The following LHX8 variants were observed in gnomAD, a reference collection of about 807,000 sequenced individuals.
LHX8 encodes LIM/homeobox protein Lhx8.
Under a neutral mutation model 40.3 loss-of-function variants are expected in LHX8, and 12 were observed. The ratio of observed to expected loss-of-function variants is 0.30; its 90% CI spans 0.19 to 0.48. The LOEUF (loss-of-function observed/expected upper bound fraction) is 0.48. Ranked by LOEUF, LHX8 falls within the 20% of genes least tolerant of loss-of-function variation. The pLI, the probability that LHX8 is intolerant of heterozygous loss-of-function variation, is 0.99. For synonymous variants in LHX8, 179 were observed against 162.0 expected, an observed-to-expected ratio of 1.10 and a Z score of -0.80; for missense variants, 344 against 433.7, an observed-to-expected ratio of 0.79 and a Z score of 1.84.
chr1:75,132,754 CTA>C (rs1648005983), upstream of LHX8: 1 of 105,254 alleles, frequency 9.5e-6, no homozygotes, highest in Non-Finnish European at 2.0e-5. Flanking sequence ...ACTTTAAACC[CTA>C]ACACACACAC....
upstream of LHX8, chr1:75,132,756 AACACACACACAC>A (rs373753523): frequency 5.5e-5 from 8 of 146,154 alleles, no homozygotes; most frequent in African/African-American, 1.8e-4. Context: ...TTTAAACCCT[AACACACACACAC>A]ACACACACAC....
the LHX8 span, among the ~76,000 whole-genome samples, chr1:75,191,815 T>C: frequency 6.6e-6 from 1 of 152,154 alleles, no homozygotes; most frequent in African/African-American, 2.4e-5. Context: ...TAGATCAAAA[T>C]TGCACAAGGA....
the LHX8 span, among the ~76,000 whole-genome samples, chr1:75,168,192 A>G: frequency 6.6e-6 from 1 of 152,156 alleles, no homozygotes; most frequent in Admixed American, 6.5e-5. Context: ...GTGGGCCAGA[A>G]TGGTCGGATA....
chr1:75,145,957 G>C (rs773581778), intron 6 of LHX8, among the ~76,000 whole-genome samples: 3 of 152,088 alleles, frequency 2.0e-5, no homozygotes, highest in Non-Finnish European at 4.4e-5. Context: ...TGCTTTCAAA[G>C]TATATTCTCA....
the LHX8 span, among the ~76,000 whole-genome samples, chr1:75,198,119 C>T: frequency 2.0e-4 from 31 of 152,126 alleles, no homozygotes; most frequent in East Asian, 4.4e-3. Context: ...TTGGGTACTC[C>T]GAAAGAGTCT....
intron 7 of LHX8, among the ~76,000 whole-genome samples, 166 bp downstream of exon 7, chr1:75,148,848 G>A (rs367905126): frequency 5.3e-5 from 8 of 152,056 alleles, no homozygotes; most frequent in African/African-American, 1.9e-4. Context: ...GGCCACAGGT[G>A]ATTAACTTAA....
chr1:75,196,305 TCATGGAGCTGTGCTG>T, the LHX8 span, among the ~76,000 whole-genome samples: 1 of 152,122 alleles, frequency 6.6e-6, no homozygotes, highest in Non-Finnish European at 1.5e-5. Context: ...TGAGAAAAGT[TCATGGAGCTGTGCTG>T]CATGGATATT....
the LHX8 span, among the ~76,000 whole-genome samples, chr1:75,199,327 C>A: frequency 6.6e-6 from 1 of 152,170 alleles, no homozygotes; most frequent in Non-Finnish European, 1.5e-5. Flanking sequence ...GACACACATG[C>A]AGCCGTGCAC....
the LHX8 span, among the ~76,000 whole-genome samples, chr1:75,173,450 C>G: frequency 7.4e-6 from 1 of 134,274 alleles, no homozygotes; most frequent in Non-Finnish European, 1.5e-5. Flanking sequence ...GTGGCACGAT[C>G]TCGACTCACT....
the LHX8 span, among the ~76,000 whole-genome samples, chr1:75,191,941 T>A: frequency 6.6e-6 from 1 of 152,270 alleles, no homozygotes; most frequent in South Asian, 2.1e-4. Context: ...AGTTTTATAG[T>A]TTTACATGAA....
At chr1:75,131,341 C>A (rs1019368041), upstream of LHX8, 5 of 162,228 alleles carry the variant, frequency 3.1e-5, no homozygotes, top group African/African-American at 1.2e-4. Context: ...AGCTCAGAGG[C>A]AAAGGGTTCA....
chr1:75,181,530 T>TG, the LHX8 span, among the ~76,000 whole-genome samples: 576 of 152,324 alleles, frequency 3.8e-3, 5 homozygotes, highest in Admixed American at 5.6e-3. Context: ...TCTCCTGGTG[T>TG]GCCATTTGCT....
chr1:75,155,534 C>T (rs1010836037), intron 7 of LHX8, among the ~76,000 whole-genome samples: 6 of 151,912 alleles, frequency 3.9e-5, no homozygotes, highest in African/African-American at 1.4e-4. Context: ...GCGCCCGGCC[C>T]ATGAAGAAAC....
chr1:75,141,655 G>A (rs998299201), intron 4 of LHX8, among the ~76,000 whole-genome samples: 6 of 152,028 alleles, frequency 3.9e-5, no homozygotes, highest in East Asian at 1.9e-4. Flanking sequence ...TCTTTTGTCC[G>A]ATCTTCAGTT....
chr1:75,154,890 C>A (rs912548536), intron 7 of LHX8, among the ~76,000 whole-genome samples: 3 of 152,146 alleles, frequency 2.0e-5, no homozygotes, highest in African/African-American at 7.2e-5. Context: ...ATTTTTTATT[C>A]TTTTAGTTTT....
In LHX8 at chr1:75,137,083, C is replaced by G; in HGVS notation, c.76-17C>G. 6.3e-7 allele frequency: 1 copy of G among 1,594,992 alleles called. No homozygotes were observed. The highest frequency in any genetic ancestry group is 1.1e-5 in the South Asian group (1 of 89,736). On this transcript the variant is annotated splice_polypyrimidine_tract_variant and intron_variant, in intron 2 of 8. Transcript: ENST00000356261. ...AGGAGGGGTCTAGAACCGCCTGCGC[C>G]TCGCGGTTTCCTGCAGGTGAGCCCC...
the LHX8 span, among the ~76,000 whole-genome samples, chr1:75,194,261 T>A: frequency 6.6e-6 from 1 of 152,150 alleles, no homozygotes; most frequent in South Asian, 2.1e-4. Context: ...ATGAGGGCAG[T>A]GGCAGGACCC....
chr1:75,185,916 G>A, the LHX8 span, among the ~76,000 whole-genome samples: 1 of 152,112 alleles, frequency 6.6e-6, no homozygotes, highest in Non-Finnish European at 1.5e-5. Context: ...CAAGCCAAGA[G>A]CCAAATGAAG....
At chr1:75,152,226 A>C (rs920568961) in intron 7 of LHX8, among the ~76,000 whole-genome samples, 1 of 152,218 alleles carries the variant, frequency 6.6e-6, no homozygotes, top group African/African-American at 2.4e-5. Flanking sequence ...TAGGTCACCC[A>C]AAGATTAGGA....
Sources: gnomAD v4.1 joint callset for allele counts (sites outside exome capture counted in the v4.1 genomes callset) on GRCh38, gnomAD v4.1.1 for gene constraint, MANE v1.5 for transcripts, NCBI Gene and HGNC (gene_info 2026-07-23, HGNC 2026-07-21) for gene names.